DSG2: variants seen among roughly 807,000 people sequenced by gnomAD.
DSG2 encodes the protein desmoglein-2.
A neutral mutation model predicts 75.6 loss-of-function variants in DSG2; 45 were observed. The observed-to-expected ratio is 0.60, with a 90% confidence interval of 0.47 to 0.76. The LOEUF is 0.76. DSG2 is among the 30% of genes least tolerant of loss of function. The pLI is 0.00. For missense variants in DSG2, 1,267 were observed against 1,357.4 expected (o/e 0.93, Z 1.05); for synonymous variants, 429 against 483.9 (o/e 0.89, Z 1.49).
chr18:31,501,305 C>T (rs1055452280), intron 1 of DSG2, among the ~76,000 whole-genome samples: 1 of 152,066 alleles, frequency 6.6e-6, no homozygotes, highest in East Asian at 1.9e-4. Flanking sequence ...ATTTTGGGTT[C>T]GACTAATGAA....
rs565663231 is a variant in DSG2 at position 31,538,335 on chromosome 18, T to C, written c.1652-416T>C. Among the ~76,000 whole-genome samples the C allele has an allele frequency of 4.6e-5, 7 of 152,292 alleles. No homozygotes were observed. The East Asian group carries it at 1.2e-3, about 25-fold the overall frequency. On this transcript the variant is annotated intron_variant, in intron 11 of 14. Coordinates refer to ENST00000261590, the MANE Select transcript of DSG2 (RefSeq NM_001943.5). Reference sequence around the variant, plus strand: ...GAAAATGATTAACGCTGAGGATGGGTACCATGGGGGTTATGCTCTTCTCTT... The same window carrying C: ...GAAAATGATTAACGCTGAGGATGGGCACCATGGGGGTTATGCTCTTCTCTT...
At position 31,538,751 on chromosome 18, in the gene DSG2, G is replaced by A; in HGVS notation, c.1652G>A (p.Ser551Asn). 1 of 1,613,760 alleles carries A rather than the reference G, an allele frequency of 6.2e-7. No homozygotes were observed. The highest frequency in any genetic ancestry group is 8.5e-7 in the Non-Finnish European group (1 of 1,179,664). Residue 551 changes from serine (S) to asparagine (N), a missense_variant and splice_region_variant, in exon 12 of 15, where the codon AGT becomes AAT. Transcript: ENST00000261590. ...AEKWKIARQE[S>N]TSVLLQQSEK... ...TTCCTTCTGCCTCCCAACCTTGTAG[G>A]TACCAGTGTGCTGCTGCAACAAAGT...
intron 14 of DSG2, chr18:31,543,063 C>T (rs2073280749): frequency 4.2e-6 from 2 of 481,876 alleles, no homozygotes; most frequent in Non-Finnish European, 7.2e-6. Flanking sequence ...CTGCAGTAAC[C>T]ATGATCTTAG....
chr18:31,524,334 A>G, intron 6 of DSG2, 114 bp from the exon 7 acceptor site: 1 of 1,419,710 alleles, frequency 7.0e-7, no homozygotes, highest in Admixed American at 1.8e-5. Context: ...CAGATCATAA[A>G]ACAGATTTGT....
At chr18:31,500,806 A>G (rs1342644991) in intron 1 of DSG2, among the ~76,000 whole-genome samples, 2 of 152,200 alleles carry the variant, frequency 1.3e-5, no homozygotes, top group Non-Finnish European at 2.9e-5. Context: ...TTTCCTCTTC[A>G]AGGGTTCTTT....
intron 1 of DSG2, among the ~76,000 whole-genome samples, chr18:31,509,891 T>G (rs1254777624): frequency 6.6e-6 from 1 of 152,220 alleles, no homozygotes; most frequent in African/African-American, 2.4e-5. Context: ...AATAAACAAG[T>G]GGCATCCACT....
At chr18:31,541,418 A>G (rs960600589) in intron 13 of DSG2, 104 bp downstream of exon 13, 2 of 1,418,160 alleles carry the variant, frequency 1.4e-6, no homozygotes, top group South Asian at 1.2e-5. Flanking sequence ...AGTGATCACT[A>G]TGGATTTCAC....
At chr18:31,545,057 T>G (rs2073295688) in intron 14 of DSG2, among the ~76,000 whole-genome samples, 1 of 152,198 alleles carries the variant, frequency 6.6e-6, no homozygotes, top group Non-Finnish European at 1.5e-5. Flanking sequence ...GCAAAACCAT[T>G]TCTTGGCCTT....
chr18:31,546,680 T>C lies in DSG2; in HGVS notation c.3294T>C (p.Ser1098=). 6.2e-7 allele frequency: 1 copy of C among 1,614,212 alleles called. No homozygotes were observed. Among genetic ancestry groups the C allele is most frequent in the Non-Finnish European group, 8.5e-7 (1 of 1,180,034 alleles). ...FGLEESGHSN[S]TITTSSTRVT... ...TAGAGGAATCTGGTCATTCTAATTCTACCATAACCACATCTTCCACCAGAG... is the reference window on the plus strand; with the variant it reads ...TAGAGGAATCTGGTCATTCTAATTCCACCATAACCACATCTTCCACCAGAG... The change falls in exon 15 of 15, where the codon TCT becomes TCC. Residue 1098 remains serine, a synonymous_variant. Transcript: ENST00000261590.
At chr18:31,520,672 C>A in intron 3 of DSG2, 131 bp from the exon 4 acceptor site, 1 of 983,532 alleles carries the variant, frequency 1.0e-6, no homozygotes, top group Non-Finnish European at 1.5e-6. Flanking sequence ...CAAAGAACTT[C>A]AGAAGGAAAT....
chr18:31,512,976 A>G (rs2073075073), intron 1 of DSG2, among the ~76,000 whole-genome samples: 1 of 152,232 alleles, frequency 6.6e-6, no homozygotes, highest in African/African-American at 2.4e-5. Flanking sequence ...AGGACCATGC[A>G]AAACTTAGAA....
At chr18:31,541,447 CAA>C in intron 13 of DSG2, 133 bp downstream of exon 13, 10 of 1,168,080 alleles carry the variant, frequency 8.6e-6, no homozygotes, top group Non-Finnish European at 1.1e-5. Context: ...CTTTGTTAAG[CAA>C]AGAGTTCAAA....
At chr18:31,512,112 C>T (rs1312006282) in intron 1 of DSG2, among the ~76,000 whole-genome samples, 2 of 152,252 alleles carry the variant, frequency 1.3e-5, no homozygotes, top group African/African-American at 4.8e-5. Flanking sequence ...CTACTAACTC[C>T]TATATCCAAA....
intron 1 of DSG2, among the ~76,000 whole-genome samples, chr18:31,513,526 G>C (rs1402580425): frequency 6.6e-6 from 1 of 152,228 alleles, no homozygotes; most frequent in South Asian, 2.1e-4. Flanking sequence ...CCATGAGCTA[G>C]GCAGGGTCTA....
chr18:31,500,448 T>C (rs1293299944), intron 1 of DSG2, among the ~76,000 whole-genome samples: 1 of 152,170 alleles, frequency 6.6e-6, no homozygotes, highest in East Asian at 1.9e-4. Flanking sequence ...ACAACATGGA[T>C]GCTTGTACCT....
chr18:31,541,232 G>T lies in DSG2; in HGVS notation c.1919G>T (p.Gly640Val), dbSNP rs1308538646. The change falls in exon 13 of 15, where the codon GGC (glycine) becomes GTC (valine). Residue 640 changes from glycine (G) to valine (V), a missense_variant. Coordinates refer to ENST00000261590, the MANE Select transcript of DSG2 (RefSeq NM_001943.5). ...LLLLMCHCGK[G>V]AKGFTPIPGT... is the part of the protein sequence containing the mutation. The stretch of plus-strand genomic sequence containing the variant: ...CTGCTGATGTGCCATTGCGGAAAGG[G>T]CGCCAAAGGCTTTACCCCCATACCT... 1.2e-6 allele frequency: 2 copies of T among 1,614,122 alleles called. No individual in the cohort carries two copies. The highest frequency in any genetic ancestry group is 2.2e-5 in the South Asian group (2 of 91,084).
At chr18:31,522,636 G>A (rs953766309) in intron 6 of DSG2, 8 of 172,200 alleles carry the variant, frequency 4.6e-5, no homozygotes, top group Admixed American at 3.9e-4. Flanking sequence ...TTTTTAAAAT[G>A]TGGCTACTAG....
intron 1 of DSG2, among the ~76,000 whole-genome samples, chr18:31,512,424 T>G (rs1046334579): frequency 2.6e-5 from 4 of 152,272 alleles, no homozygotes; most frequent in East Asian, 3.8e-4. Context: ...GCTAGTGTTA[T>G]GTATTGCACG....
At position 31,519,911 on chromosome 18, in the gene DSG2, C is replaced by G. The variant is rs773418284; in HGVS notation, c.190C>G (p.Leu64Val). 9 of 1,614,202 alleles carry G rather than the reference C, an allele frequency of 5.6e-6. No homozygotes were observed. Among genetic ancestry groups the G allele is most frequent in the South Asian group, 1.1e-5 (1 of 91,088 alleles). Residue 64 changes from leucine (L) to valine (V), a missense_variant, in exon 3 of 15, where the codon CTG (leucine) becomes GTG (valine). Transcript: ENST00000261590. The stretch of plus-strand genomic sequence containing the variant: ...CGTGGCTCTTCGGGAGGGAGAGGAT[C>G]TGTCCAAGAAGAATCCAATTGCCAA... ...APVALREGEDLSKKNPIAKIH... is the reference protein window; with the variant it reads ...APVALREGEDVSKKNPIAKIH...
Sources: allele counts gnomAD v4.1 joint callset (sites outside exome capture counted in the v4.1 genomes callset), GRCh38; gene constraint gnomAD v4.1.1; transcripts MANE v1.5; gene names NCBI Gene and HGNC (gene_info 2026-07-23, HGNC 2026-07-21).